ITGA6: variants seen among roughly 807,000 people sequenced by gnomAD.
ITGA6 encodes integrin alpha-6.
Under a neutral mutation model 133.6 loss-of-function variants are expected in ITGA6, and 63 were observed. The ratio of observed to expected loss-of-function variants is 0.47; its 90% CI spans 0.38 to 0.58. The LOEUF is 0.58. Ranked by LOEUF, ITGA6 falls within the 20% of genes least tolerant of loss-of-function variation. The pLI is 0.00. For missense variants in ITGA6, 1,068 were observed against 1,309.4 expected, an observed-to-expected ratio of 0.82 and a Z score of 2.85; for synonymous variants, 434 against 482.0, an observed-to-expected ratio of 0.90 and a Z score of 1.30.
At chr2:172,501,680 T>C in intron 24 of ITGA6, 92 bp from the exon 25 acceptor site, 1 of 1,275,348 alleles carries the variant, frequency 7.8e-7, no homozygotes, top group Non-Finnish European at 1.1e-6. Flanking sequence ...AACAAGCCAC[T>C]AGTAGAAGGC....
chr2:172,472,793 C>T (rs761535322), intron 5 of ITGA6: 20 of 1,611,592 alleles, frequency 1.2e-5, no homozygotes, highest in Middle Eastern at 1.6e-4. Flanking sequence ...TTTTGACCAG[C>T]GTTTCCTATA....
At position 172,479,551 on chromosome 2, in the gene ITGA6, G is replaced by T. The variant is rs1686335516; in HGVS notation, c.1389-90G>T. The T allele has an allele frequency of 8.8e-6, 9 of 1,023,834 alleles. No homozygotes were observed. The Admixed American group carries it at 1.4e-4, about 15-fold the overall frequency. The allele number at this position is 1,023,834 out of a possible 1,614,324, so 63.4% of individuals were successfully genotyped here. A position where few individuals can be genotyped will look rare whatever the true frequency, so the allele number is the denominator to read the frequency against. On this transcript the variant is annotated intron_variant, in intron 9 of 25. Transcript: ENST00000684293. ...TTTTCCTGTGTTTTTAAGCTGTGCTGGGCAGCTAAGGATGCTCTCTAGTAT... is the reference window on the plus strand; with the variant it reads ...TTTTCCTGTGTTTTTAAGCTGTGCTTGGCAGCTAAGGATGCTCTCTAGTAT...
At chr2:172,433,596 CAAGGCTGT>C (rs1684197186) in intron 1 of ITGA6, among the ~76,000 whole-genome samples, 1 of 152,170 alleles carries the variant, frequency 6.6e-6, no homozygotes, top group African/African-American at 2.4e-5. Context: ...ATGAGGAAAC[CAAGGCTGT>C]AAGAGGTGCA....
intron 11 of ITGA6, among the ~76,000 whole-genome samples, chr2:172,483,334 A>G (rs1472677605): frequency 1.3e-5 from 2 of 152,180 alleles, no homozygotes; most frequent in Admixed American, 1.3e-4. Flanking sequence ...AGAGACTCAG[A>G]AGCTGGTGCT....
intron 5 of ITGA6, chr2:172,472,994 T>C (rs1162834778): frequency 2.8e-6 from 2 of 715,704 alleles, no homozygotes; most frequent in African/African-American, 3.5e-5. Flanking sequence ...CTATTTTGTT[T>C]CCATTGAAGC....
rs1686900444 is a variant in ITGA6, at chr2:172,491,033, A to G, written c.2689A>G (p.Asn897Asp). 6.4e-7 allele frequency: 1 copy of G among 1,553,248 alleles called. No individual in the cohort carries two copies. Among genetic ancestry groups the G allele is most frequent in the African/African-American group, 1.4e-5 (1 of 73,874 alleles). The change falls in exon 21 of 26, where the codon AAC becomes GAC. Residue 897 changes from asparagine (N) to aspartate (D), a missense_variant. Physicochemically the swap from Asn to Asp is conservative, Grantham distance 23 (BLOSUM62 1). Around this residue, in one of 3 missense-constraint regions of ITGA6, gnomAD observed 609 missense variants for 707.2 expected, o/e 0.86. Transcript: ENST00000684293. This position sits in a 1 kb window ranked among gnomAD's most constrained non-coding sequence, Gnocchi z 4.4. The part of the protein sequence containing the change: ...INSLNLTESH[N>D]SRKKREITEK... ...ATATAATTTTTTTCAGGAGTCTCAC[A>G]ACTCAAGAAAGAAACGGGAAATTAC...
chr2:172,439,622 A>G (rs1684461934), intron 1 of ITGA6, among the ~76,000 whole-genome samples: 1 of 151,788 alleles, frequency 6.6e-6, no homozygotes. Context: ...AAGACATTGC[A>G]AGCTTTTGGT....
chr2:172,455,700 T>A (rs1685179352), intron 1 of ITGA6, among the ~76,000 whole-genome samples: 1 of 152,266 alleles, frequency 6.6e-6, no homozygotes, highest in African/African-American at 2.4e-5. Context: ...ACAATAATAG[T>A]TGCTGAAGCC....
intron 19 of ITGA6, 139 bp downstream of exon 19, chr2:172,488,367 C>A: frequency 2.8e-6 from 2 of 707,660 alleles, no homozygotes; most frequent in Non-Finnish European, 2.5e-6. Context: ...AGTTTGCCAG[C>A]TTTTAAAGAA....
intron 23 of ITGA6, among the ~76,000 whole-genome samples, chr2:172,496,463 T>C (rs1183582135): frequency 6.6e-6 from 1 of 152,134 alleles, no homozygotes. Context: ...TCAGGTGAGG[T>C]TGAGAAACTG....
At chr2:172,495,564 G>C (rs1431001848) in intron 23 of ITGA6, 2 of 152,272 alleles carry the variant, frequency 1.3e-5, no homozygotes, top group Non-Finnish European at 2.9e-5. Context: ...ACCTTCAGTT[G>C]ACAGTTTAAG....
intron 1 of ITGA6, among the ~76,000 whole-genome samples, chr2:172,438,150 G>T (rs1684401470): frequency 6.6e-6 from 1 of 151,670 alleles, no homozygotes; most frequent in Admixed American, 6.6e-5. Flanking sequence ...TTTTGTTTAA[G>T]ATGGGAGAAG....
intron 1 of ITGA6, among the ~76,000 whole-genome samples, chr2:172,462,456 T>C (rs539732097): frequency 6.6e-6 from 1 of 152,310 alleles, no homozygotes; most frequent in East Asian, 1.9e-4. Flanking sequence ...TGTTGTCCTT[T>C]TTCCCCAAAC....
rs994667022 is a variant in ITGA6 at position 172,474,480 on chromosome 2, T to G, written c.986+215T>G. On this transcript the variant is annotated intron_variant, in intron 6 of 25. Coordinates refer to ENST00000684293, the MANE Select transcript of ITGA6 (RefSeq NM_000210.4). ...TAGGATTATATTTTTGATTTTCAGTTTTTACTTATATGTTGGGATCATGAG... is the reference window on the plus strand; with the variant it reads ...TAGGATTATATTTTTGATTTTCAGTGTTTACTTATATGTTGGGATCATGAG... Among the ~76,000 whole-genome samples the G allele has an allele frequency of 5.9e-5, 9 of 152,000 alleles. No individual in the cohort carries two copies. In the East Asian group the frequency reaches 1.5e-3, roughly 26 times the overall value.
chr2:172,492,531 A>G (rs1167686133), intron 23 of ITGA6, among the ~76,000 whole-genome samples: 1 of 152,216 alleles, frequency 6.6e-6, no homozygotes, highest in Non-Finnish European at 1.5e-5. Flanking sequence ...AGTTTTAAAA[A>G]CTGAGAAGCA....
intron 11 of ITGA6, among the ~76,000 whole-genome samples, chr2:172,482,145 G>T (rs1408203369): frequency 6.6e-6 from 1 of 152,174 alleles, no homozygotes; most frequent in Non-Finnish European, 1.5e-5. Flanking sequence ...CTTTCTCCTA[G>T]CTGTAGCACA....
chr2:172,440,709 G>T (rs1304235403), intron 1 of ITGA6, among the ~76,000 whole-genome samples: 2 of 152,182 alleles, frequency 1.3e-5, no homozygotes, highest in Non-Finnish European at 2.9e-5. Context: ...GTTGAATTCA[G>T]CAGTTGTATA....
At chr2:172,464,082 G>C (rs1406030481) in intron 1 of ITGA6, among the ~76,000 whole-genome samples, 1 of 152,148 alleles carries the variant, frequency 6.6e-6, no homozygotes, top group Non-Finnish European at 1.5e-5. Flanking sequence ...GGAGGTGGGG[G>C]CTGACTGTGA....
chr2:172,431,051 T>G (rs1684086697), intron 1 of ITGA6, among the ~76,000 whole-genome samples: 1 of 152,186 alleles, frequency 6.6e-6, no homozygotes, highest in African/African-American at 2.4e-5. Context: ...CTGCCAACCC[T>G]CATTTTCTTC....
Sources: gnomAD v4.1 joint callset for allele counts (sites outside exome capture counted in the v4.1 genomes callset) on GRCh38, gnomAD v4.1.1 for gene constraint, gnomAD v4.1.1 regional missense constraint, Gnocchi (gnomAD v3.1) non-coding constraint, MANE v1.5 for transcripts, NCBI Gene and HGNC (gene_info 2026-07-23, HGNC 2026-07-21) for gene names.